The following FRAS1 variants were observed in gnomAD, a reference collection of about 807,000 sequenced individuals.
FRAS1 encodes extracellular matrix organizing protein FRAS1.
In FRAS1, 290 loss-of-function variants were observed where a neutral mutation model predicts 435.2. That is an observed-to-expected ratio of 0.67 (90% CI 0.61 to 0.73). The LOEUF (loss-of-function observed/expected upper bound fraction) is 0.73. Ranked by LOEUF, FRAS1 falls within the 30% of genes least tolerant of loss-of-function variation. FRAS1 has a pLI of 0.00. For synonymous variants in FRAS1, 1,800 were observed against 1,851.0 expected (o/e 0.97, Z 0.71); for missense variants, 4,860 against 5,001.5 (o/e 0.97, Z 0.85).
At chr4:78,303,351 G>T (rs1399414382) in intron 14 of FRAS1, among the ~76,000 whole-genome samples, 1 of 152,060 alleles carries the variant, frequency 6.6e-6, no homozygotes, top group Non-Finnish European at 1.5e-5. Context: ...GCTCTTTTTT[G>T]GTTCCATATG....
Position 78,315,633 on chromosome 4 carries a change from C to T in FRAS1, c.1718C>T (p.Pro573Leu), listed in dbSNP as rs959684568. Residue 573 changes from proline (P) to leucine (L), a missense_variant, in exon 16 of 74, where the codon CCC (proline) becomes CTC (leucine). Pro to Leu is a moderately conservative substitution (Grantham distance 98). Transcript: ENST00000512123. ...QSCDSCGPSSPRCLTCTEKTV... is the reference protein window; with the variant it reads ...QSCDSCGPSSLRCLTCTEKTV... ...TGTGACAGTTGTGGCCCCAGTAGCCCCAGGTGTCTTACCTGTACTGAGAAG... is the reference window on the plus strand; with the variant it reads ...TGTGACAGTTGTGGCCCCAGTAGCCTCAGGTGTCTTACCTGTACTGAGAAG... 1.9e-6 allele frequency: 3 copies of T among 1,613,334 alleles called. No individual in the cohort carries two copies. In the African/African-American group the frequency reaches 4.0e-5, roughly 22 times the overall value.
At chr4:78,239,455 C>G (rs185566343) in intron 3 of FRAS1, among the ~76,000 whole-genome samples, 3 of 152,234 alleles carry the variant, frequency 2.0e-5, no homozygotes, top group Admixed American at 6.5e-5. Context: ...TTTGCTGTTT[C>G]TATACTTGCC....
chr4:78,286,665 C>T (rs924859759), intron 14 of FRAS1, 126 bp downstream of exon 14: 30 of 901,382 alleles, frequency 3.3e-5, no homozygotes, highest in Non-Finnish European at 5.0e-5. Context: ...AAACTCTAAA[C>T]AAGACTTCTG....
At chr4:78,175,433 G>C (rs557953447) in intron 2 of FRAS1, among the ~76,000 whole-genome samples, 1 of 152,218 alleles carries the variant, frequency 6.6e-6, no homozygotes, top group Admixed American at 6.5e-5. Flanking sequence ...CAGTTTATTG[G>C]CCTTGACTCT....
chr4:78,121,708 G>A (rs1719032994), intron 2 of FRAS1, among the ~76,000 whole-genome samples: 1 of 152,174 alleles, frequency 6.6e-6, no homozygotes, highest in South Asian at 2.1e-4. Flanking sequence ...ATTTTAGACT[G>A]GACCGTGTGT....
chr4:78,123,379 G>A (rs1172440111), intron 2 of FRAS1, among the ~76,000 whole-genome samples: 4 of 152,158 alleles, frequency 2.6e-5, no homozygotes, highest in Admixed American at 2.6e-4. Context: ...GGTTACTGTA[G>A]CATTGTAGCA....
chr4:78,483,583 T>C (rs962947131), intron 58 of FRAS1, among the ~76,000 whole-genome samples: 6 of 151,926 alleles, frequency 3.9e-5, no homozygotes, highest in Admixed American at 3.3e-4. Context: ...TCTTTGATGT[T>C]TTTATTTATT....
chr4:78,340,866 A>C (rs2110270412), intron 20 of FRAS1, among the ~76,000 whole-genome samples: 1 of 152,294 alleles, frequency 6.6e-6, no homozygotes, highest in South Asian at 2.1e-4. Flanking sequence ...TATATTGGTC[A>C]CATTGGATCA....
At chr4:78,403,194 G>A (rs528217933) in intron 30 of FRAS1, among the ~76,000 whole-genome samples, 1 of 151,954 alleles carries the variant, frequency 6.6e-6, no homozygotes, top group African/African-American at 2.4e-5. Context: ...ATCAGTAAAA[G>A]ACAAAAAATT....
At chr4:78,116,701 C>T (rs1285615215) in intron 2 of FRAS1, among the ~76,000 whole-genome samples, 2 of 152,042 alleles carry the variant, frequency 1.3e-5, no homozygotes, top group African/African-American at 4.8e-5. Context: ...TCCTCCATCC[C>T]TTTATTTTGA....
At chr4:78,430,264 T>C (rs780254545) in intron 36 of FRAS1, 28 bp from the exon 37 acceptor site, 1 of 1,613,438 alleles carries the variant, frequency 6.2e-7, no homozygotes, top group African/African-American at 1.3e-5. Flanking sequence ...GCTTTCTCTC[T>C]CACCACGCTT....
At chr4:78,072,619 G>A (rs10028831) in intron 2 of FRAS1, among the ~76,000 whole-genome samples, 90,763 of 151,844 alleles carry the variant, frequency 0.6, 28,155 homozygotes, top group Middle Eastern at 0.71. Context: ...TTCCCTAAAG[G>A]TATTGGGTAA....
chr4:78,537,083 T>C lies in FRAS1; in HGVS notation c.11181T>C (p.Cys3727=). ...YKLQLEKVYL[C]TGKDGYVPFF... is the part of the protein sequence containing the mutation. Reference sequence around the variant, plus strand: ...TCCAGCTGGAGAAAGTCTATCTTTGTACGGGCAAGGATGGTTATGTGCCTT... The same window carrying C: ...TCCAGCTGGAGAAAGTCTATCTTTGCACGGGCAAGGATGGTTATGTGCCTT... Residue 3727 remains cysteine (C), a synonymous_variant, in exon 72 of 74, where the codon TGT becomes TGC. Coordinates refer to ENST00000512123, the MANE Select transcript of FRAS1 (RefSeq NM_025074.7). The C allele has an allele frequency of 6.2e-7, 1 of 1,614,032 alleles. No homozygotes were observed. Among genetic ancestry groups the C allele is most frequent in the Non-Finnish European group, 8.5e-7 (1 of 1,179,864 alleles).
At chr4:78,369,295 C>T (rs1334238263) in intron 22 of FRAS1, among the ~76,000 whole-genome samples, 1 of 152,106 alleles carries the variant, frequency 6.6e-6, no homozygotes, top group Non-Finnish European at 1.5e-5. Flanking sequence ...GAAGCATGAC[C>T]AGATTGGGGG....
At chr4:78,345,190 GT>G (rs1405088436) in intron 20 of FRAS1, among the ~76,000 whole-genome samples, 1 of 152,166 alleles carries the variant, frequency 6.6e-6, no homozygotes, top group Non-Finnish European at 1.5e-5. Flanking sequence ...GTAATGGTGT[GT>G]TTATAAAGTT....
rs1200797370 is a variant in FRAS1, at chr4:78,417,943, G to A, written c.4426-1006G>A. On this transcript the variant is annotated intron_variant, in intron 32 of 73. Coordinates refer to ENST00000512123, the MANE Select transcript of FRAS1 (RefSeq NM_025074.7). ...TTACAACAGCATGCCTGACCCAGGC[G>A]AGGGGCCCCAGCTCAGGCTAGTTTC... 3.9e-5 allele frequency among the ~76,000 whole-genome samples: 6 copies of A among 152,304 alleles called. No homozygotes were observed. The South Asian group carries it at 6.2e-4, about 16-fold the overall frequency.
chr4:78,060,064 T>TAATGAATG (rs895626245), intron 1 of FRAS1, among the ~76,000 whole-genome samples: 1 of 152,160 alleles, frequency 6.6e-6, no homozygotes, highest in Admixed American at 6.5e-5. Context: ...GCTTATCTAA[T>TAATGAATG]AATGAATGAA....
At chr4:78,520,345 T>C (rs1435479396) in intron 67 of FRAS1, among the ~76,000 whole-genome samples, 1 of 152,028 alleles carries the variant, frequency 6.6e-6, no homozygotes, top group Non-Finnish European at 1.5e-5. Flanking sequence ...TAAATTCTGC[T>C]GCTCCCATCC....
Position 78,326,789 on chromosome 4 carries a change from G to A in FRAS1, c.2138-6483G>A, listed in dbSNP as rs1273782036. 2.0e-5 allele frequency among the ~76,000 whole-genome samples: 3 copies of A among 152,274 alleles called. No homozygotes were observed. The East Asian group carries it at 5.8e-4, about 29-fold the overall frequency. ...AATATTTATGAGGTGGTTAGAGAAA[G>A]AGGCTGAAAGAAATTTTCAAAGACA... On this transcript the variant is annotated intron_variant, in intron 18 of 73. Coordinates refer to ENST00000512123, the MANE Select transcript of FRAS1 (RefSeq NM_025074.7).
Sources: gnomAD v4.1 joint callset for allele counts (sites outside exome capture counted in the v4.1 genomes callset) on GRCh38, gnomAD v4.1.1 for gene constraint, MANE v1.5 for transcripts, NCBI Gene and HGNC (gene_info 2026-07-23, HGNC 2026-07-21) for gene names.